Variants in AHNAK2 observed in about 807,000 individuals in gnomAD.
The protein encoded by AHNAK2 is protein AHNAK2.
A neutral mutation model predicts 30.7 loss-of-function variants in AHNAK2; 18 were observed. The observed-to-expected ratio is 0.59, with a 90% CI of 0.41 to 0.87. AHNAK2 has a LOEUF of 0.87. Ranked by LOEUF, AHNAK2 falls within the 40% of genes least tolerant of loss-of-function variation. The pLI is 0.00. For synonymous variants in AHNAK2, 3,590 were observed against 3,073.8 expected, an observed-to-expected ratio of 1.17 and a Z score of -5.56; for missense variants, 8,604 against 7,373.0, an observed-to-expected ratio of 1.17 and a Z score of -6.11.
intron 1 of AHNAK2, among the ~76,000 whole-genome samples, chr14:104,977,842 G>C (rs1261312045): frequency 3.3e-5 from 5 of 152,212 alleles, no homozygotes; most frequent in Admixed American, 6.5e-5. Flanking sequence ...CCCAGGAGCG[G>C]GGCAGGAGCG....
At chr14:104,976,308 C>T (rs1181713338) in intron 1 of AHNAK2, among the ~76,000 whole-genome samples, 2 of 152,188 alleles carry the variant, frequency 1.3e-5, no homozygotes, top group African/African-American at 2.4e-5. Flanking sequence ...GCACAAAAGC[C>T]GCCCAGGAGA....
At chr14:104,971,776 G>A (rs1047705896) in intron 1 of AHNAK2, among the ~76,000 whole-genome samples, 6 of 152,240 alleles carry the variant, frequency 3.9e-5, no homozygotes, top group Admixed American at 6.5e-5. Flanking sequence ...GCTGTGCTAC[G>A]TGTAGCCCCC....
chr14:104,978,119 C>T, intron 1 of AHNAK2, 64 bp downstream of exon 1: 1 of 1,182,596 alleles, frequency 8.5e-7, no homozygotes. Flanking sequence ...CACGCCCCGG[C>T]GCGCGCCCTC....
Position 104,948,047 on chromosome 14 carries a change from G to T in AHNAK2, c.7404C>A (p.Asp2468Glu). The T allele has an allele frequency of 3.1e-6, 5 of 1,612,574 alleles. No individual in the cohort carries two copies. The highest frequency in any genetic ancestry group is 4.2e-6 in the Non-Finnish European group (5 of 1,179,616). ...AKLDGAWLEG[D>E]LSVADKDVTT... is the part of the protein sequence containing the mutation. ...TCACATCCTTGTCCGCCACAGACAG[G>T]TCCCCCTCCAGCCACGCACCATCCA... The change falls in exon 7 of 7, where the codon GAC (aspartate) becomes GAA (glutamate). Residue 2468 changes from aspartate (D) to glutamate (E), a missense_variant. By Grantham distance (45) the Asp-to-Glu change is conservative. Coordinates refer to ENST00000333244, the MANE Select transcript of AHNAK2 (RefSeq NM_138420.4).
rs1343358949 is a variant in AHNAK2, at chr14:104,978,321, G to C, written c.-84C>G. The C allele has an allele frequency of 3.6e-5, 6 of 166,262 alleles. No individual in the cohort carries two copies. Among genetic ancestry groups the C allele is most frequent in the South Asian group, 2.0e-4 (1 of 5,016 alleles). 10.3% of individuals were successfully genotyped at this position (166,262 alleles called of 1,614,324 possible). ...TCCGGCGCACGGGGCGGGCGGGCGG[G>C]AGCCGCGCTCTGCCCCGCTGCCCTG... On this transcript the variant is annotated 5_prime_UTR_variant, in exon 1 of 7. Transcript: ENST00000333244.
chr14:104,965,183 A>T (rs2140878241), intron 1 of AHNAK2, among the ~76,000 whole-genome samples: 1 of 152,324 alleles, frequency 6.6e-6, no homozygotes, highest in Admixed American at 6.5e-5. Context: ...CCGATGGATA[A>T]TCCAAGTATT....
chr14:104,965,753 G>A (rs1182947942), intron 1 of AHNAK2, among the ~76,000 whole-genome samples: 1 of 152,234 alleles, frequency 6.6e-6, no homozygotes, highest in Non-Finnish European at 1.5e-5. Flanking sequence ...CCTGGCCTTG[G>A]GGACTGTCCC....
In AHNAK2 at chr14:104,940,407, C is replaced by T; in HGVS notation, c.15044G>A (p.Arg5015Lys). ...CATGGCAAAGCCAGGCTTTGTGCTC[C>T]TCCCCTTCTCTCCATCCCTCTCAGG... ...LPPERDGEKG[R>K]STKPGFAMPK... The change falls in exon 7 of 7, where the codon AGG becomes AAG. Residue 5015 changes from arginine (R) to lysine (K), a missense_variant. Physicochemically the swap from Arg to Lys is conservative, Grantham distance 26. Coordinates refer to ENST00000333244, the MANE Select transcript of AHNAK2 (RefSeq NM_138420.4). The surrounding 1 kb of genome is among the most constrained non-coding windows in gnomAD (Gnocchi z 4.4). 1.2e-6 allele frequency: 2 copies of T among 1,613,922 alleles called. No homozygotes were observed.
rs770221975 is a variant in AHNAK2, at chr14:104,948,847, T to G, written c.6604A>C (p.Ser2202Arg). 23 of 1,611,444 alleles carry G rather than the reference T, an allele frequency of 1.4e-5. No homozygotes were observed. The Admixed American group carries it at 3.7e-4, about 26-fold the overall frequency. Residue 2202 changes from serine (S) to arginine (R), a missense_variant, in exon 7 of 7, where the codon AGC (serine) becomes CGC (arginine). By Grantham distance (110) the Ser-to-Arg change is moderately radical. Coordinates refer to ENST00000333244, the MANE Select transcript of AHNAK2 (RefSeq NM_138420.4). ...ACGTCGGCGGAAAGGGGCTGAATGC[T>G]GAGGTCAGTGGTCTTGAGGTCCCCC... The part of the protein sequence containing the change: ...MQGDLKTTDL[S>R]IQPLSADVKV...
At position 104,945,474 on chromosome 14, in the gene AHNAK2, G is replaced by T. The variant is rs1898213953; in HGVS notation, c.9977C>A (p.Ser3326Tyr). The change falls in exon 7 of 7, where the codon TCC becomes TAC. Residue 3326 changes from serine to tyrosine, a missense_variant. Transcript: ENST00000333244. ...AGACACATCCACCGAGGCCTGGATG[G>T]ACTTGCCTGGGGCAGACGCCCTGTA... ...PSYRASAPGK[S>Y]IQASVDVSAP... 6 of 1,613,316 alleles carry T rather than the reference G, an allele frequency of 3.7e-6. No individual in the cohort carries two copies. Among genetic ancestry groups the T allele is most frequent in the African/African-American group, 2.7e-5 (2 of 74,746 alleles).
chr14:104,941,659 CA>C lies in AHNAK2; in HGVS notation c.13791del (p.Asp4597GlufsTer25). On this transcript the variant is annotated frameshift_variant, in exon 7 of 7. Transcript: ENST00000333244. LOFTEE classifies it low-confidence loss of function (END_TRUNC). ...TCCAGCATGGATCCTGGGGCCTGGA[CA>C]TCCGTCTCCACGCTGGGCAGAGACA... ...VEVSLPSVETDVQAPGSMLDG... is the reference protein window; with the variant it reads ...VEVSLPSVETXVQAPGSMLDG... The C allele has an allele frequency of 6.2e-7, 1 of 1,612,406 alleles. No homozygotes were observed. The highest frequency in any genetic ancestry group is 8.5e-7 in the Non-Finnish European group (1 of 1,179,426).
chr14:104,954,830 G>A lies in AHNAK2; in HGVS notation c.652-31C>T. 1.3e-6 allele frequency: 2 copies of A among 1,542,298 alleles called. No individual in the cohort carries two copies. The highest frequency in any genetic ancestry group is 1.7e-6 in the Non-Finnish European group (2 of 1,147,248). On this transcript the variant is annotated intron_variant, in intron 6 of 6. Coordinates refer to ENST00000333244, the MANE Select transcript of AHNAK2 (RefSeq NM_138420.4). This position sits in a 1 kb window ranked among gnomAD's most constrained non-coding sequence, Gnocchi z 4.3. ...ACATAGGGAGAGGGAATCTGTTGGT[G>A]CCAGTCCAAGAAGCCTGGGGCCCTG...
rs1486258538 is a variant in AHNAK2, at chr14:104,941,651, G to A, written c.13800C>T (p.Ala4600=). The A allele has an allele frequency of 2.5e-6, 4 of 1,613,572 alleles. No homozygotes were observed. Among genetic ancestry groups the A allele is most frequent in the East Asian group, 2.2e-5 (1 of 44,866 alleles). ...GCGCACCATCCAGCATGGATCCTGG[G>A]GCCTGGACATCCGTCTCCACGCTGG... ...SLPSVETDVQ[A]PGSMLDGARL... Residue 4600 remains alanine, a synonymous_variant, in exon 7 of 7, where the codon GCC becomes GCT. Coordinates refer to ENST00000333244, the MANE Select transcript of AHNAK2 (RefSeq NM_138420.4).
Position 104,944,165 on chromosome 14 carries a change from C to T in AHNAK2, c.11286G>A (p.Val3762=). ...VSKAEVTAPD[V]EVSLPSVEVD... ...CCTCCACGCTGGGCAGAGACACCTCCACATCAGGGGCTGTGACTTCCGCCT... is the reference window on the plus strand; with the variant it reads ...CCTCCACGCTGGGCAGAGACACCTCTACATCAGGGGCTGTGACTTCCGCCT... The change falls in exon 7 of 7, where the codon GTG becomes GTA. Residue 3762 remains valine (V), a synonymous_variant. Coordinates refer to ENST00000333244, the MANE Select transcript of AHNAK2 (RefSeq NM_138420.4). 1.2e-6 allele frequency: 2 copies of T among 1,606,804 alleles called. No individual in the cohort carries two copies. The highest frequency in any genetic ancestry group is 1.4e-5 in the African/African-American group (1 of 71,726).
Position 104,951,804 on chromosome 14 carries a change from G to T in AHNAK2, c.3647C>A (p.Pro1216His), listed in dbSNP as rs372288216. ...AGCGTGGACCTCCAGGTCAGCGGAA[G>T]GGGGCTGAATGCTGAGGTCAGTGGT... The part of the protein sequence containing the change: ...LKTTDLSIQP[P>H]SADLEVHAGQ... Residue 1216 changes from proline (P) to histidine (H), a missense_variant, in exon 7 of 7, where the codon CCT becomes CAT. Transcript: ENST00000333244. The T allele has an allele frequency of 9.6e-6, 13 of 1,359,584 alleles. 3 individuals are homozygous for T. The highest frequency in any genetic ancestry group is 8.3e-5 in the African/African-American group (6 of 71,976). 84.2% of individuals were successfully genotyped at this position (1,359,584 alleles called of 1,614,324 possible).
rs201652306 is a variant in AHNAK2 at position 104,945,310 on chromosome 14, C to T, written c.10141G>A (p.Val3381Met). The T allele has an allele frequency of 9.3e-6, 15 of 1,612,862 alleles. No homozygotes were observed. The highest frequency in any genetic ancestry group is 2.2e-5 in the South Asian group (2 of 91,038). The change falls in exon 7 of 7, where the codon GTG (valine) becomes ATG (methionine). Residue 3381 changes from valine (V) to methionine (M), a missense_variant. By Grantham distance (21) the Val-to-Met change is conservative (BLOSUM62 1). Coordinates refer to ENST00000333244, the MANE Select transcript of AHNAK2 (RefSeq NM_138420.4). ...CCTTTGAGGCCAGCTCCCTCGGGCA[C>T]GTGGCCCTCCGGGAGCTTCACGTCC... ...QVDVKLPEGH[V>M]PEGAGLKGHL...
In AHNAK2 at chr14:104,943,743, C is replaced by T; in HGVS notation, c.11708G>A (p.Gly3903Asp). Reference protein sequence around the residue: ...SFKMPKVDLKGPEIDIKGPKL... With the variant: ...SFKMPKVDLKDPEIDIKGPKL... ...GGGGCCCTTGATGTCTATTTCAGGG[C>T]CCTTGAGGTCGACTTTGGGCATCTT... The change falls in exon 7 of 7, where the codon GGC (glycine) becomes GAC (aspartate). Residue 3903 changes from glycine (G) to aspartate (D), a missense_variant. By Grantham distance (94) the Gly-to-Asp change is moderately conservative (BLOSUM62 -1). Coordinates refer to ENST00000333244, the MANE Select transcript of AHNAK2 (RefSeq NM_138420.4). 6.2e-7 allele frequency: 1 copy of T among 1,612,720 alleles called. No individual in the cohort carries two copies.
chr14:104,971,872 C>G (rs1020587233), intron 1 of AHNAK2, among the ~76,000 whole-genome samples: 3 of 152,258 alleles, frequency 2.0e-5, no homozygotes. Context: ...CCCACACAGC[C>G]GAGGCCCAGC....
At chr14:104,965,136 A>G (rs898074407) in intron 1 of AHNAK2, among the ~76,000 whole-genome samples, 16 of 152,198 alleles carry the variant, frequency 1.1e-4, no homozygotes, top group African/African-American at 3.9e-4. Context: ...TCTTCTTCCA[A>G]TGTAGCCCAG....
Sources: allele counts gnomAD v4.1 joint callset (sites outside exome capture counted in the v4.1 genomes callset), GRCh38; gene constraint gnomAD v4.1.1; non-coding constraint Gnocchi (gnomAD v3.1); transcripts MANE v1.5; gene names NCBI Gene and HGNC (gene_info 2026-07-23, HGNC 2026-07-21).